TNR: variants seen among roughly 807,000 people sequenced by gnomAD.
TNR encodes the protein tenascin-R.
TNR carries 45 observed loss-of-function variants against 150.4 expected under a neutral mutation model. The ratio of observed to expected loss-of-function variants is 0.30; its 90% CI spans 0.24 to 0.38. The LOEUF (loss-of-function observed/expected upper bound fraction) is 0.38, where lower values mean the gene tolerates loss of function less well. TNR is among the 10% of genes least tolerant of loss of function. TNR has a pLI of 1.00. For synonymous variants in TNR, 687 were observed against 678.4 expected, an observed-to-expected ratio of 1.01 and a Z score of -0.20; for missense variants, 1,544 against 1,759.1, an observed-to-expected ratio of 0.88 and a Z score of 2.19.
chr1:175,391,921 T>A (rs751693718), intron 6 of TNR, among the ~76,000 whole-genome samples: 2 of 152,232 alleles, frequency 1.3e-5, no homozygotes, highest in Non-Finnish European at 2.9e-5. Flanking sequence ...TGCTATGAGA[T>A]AATTGTTTAT....
intron 1 of TNR, among the ~76,000 whole-genome samples, chr1:175,690,653 G>A (rs1666333784): frequency 6.6e-6 from 1 of 152,208 alleles, no homozygotes; most frequent in Non-Finnish European, 1.5e-5. Context: ...TAAGTGCCAG[G>A]GGGAGCCATT....
At chr1:175,464,919 G>T (rs1656966253) in intron 2 of TNR, among the ~76,000 whole-genome samples, 1 of 152,282 alleles carries the variant, frequency 6.6e-6, no homozygotes, top group African/African-American at 2.4e-5. Context: ...TGCCTGTCTT[G>T]GAGGGGAGAG....
intron 1 of TNR, among the ~76,000 whole-genome samples, chr1:175,691,598 C>CAGGTACTGACTGAGTTCTCGGT (rs1666370765): frequency 6.6e-6 from 1 of 152,024 alleles, no homozygotes; most frequent in Admixed American, 6.5e-5. Flanking sequence ...GAGCCTTAAA[C>CAGGTACTGACTGAGTTCTCGGT]AGGTACTGAC....
At chr1:175,335,955 A>G (rs1015951425) in intron 19 of TNR, 148 bp from the exon 20 acceptor site, 28 of 706,368 alleles carry the variant, frequency 4.0e-5, no homozygotes, top group Non-Finnish European at 6.5e-5. Context: ...GGAACATTTC[A>G]GAGCAGAGCT....
intron 20 of TNR, chr1:175,335,171 G>C (rs952753621): frequency 6.6e-6 from 1 of 152,416 alleles, no homozygotes; most frequent in Non-Finnish European, 1.5e-5. Flanking sequence ...GCTTGGATGT[G>C]TGTTTACCAT....
chr1:175,362,603 C>A (rs545306744), intron 14 of TNR, 60 bp downstream of exon 14: 59 of 1,582,592 alleles, frequency 3.7e-5, no homozygotes, highest in Non-Finnish European at 4.9e-5. Flanking sequence ...CAAGCCCGAA[C>A]AACTTCACCC....
intron 1 of TNR, among the ~76,000 whole-genome samples, chr1:175,552,601 G>A (rs553244133): frequency 6.6e-6 from 1 of 152,292 alleles, no homozygotes; most frequent in East Asian, 1.9e-4. Flanking sequence ...TTCATGGGCT[G>A]ACTGAAGCCA....
chr1:175,679,608 G>A (rs141791024), intron 1 of TNR, among the ~76,000 whole-genome samples: 89 of 152,316 alleles, frequency 5.8e-4, no homozygotes, highest in Admixed American at 2.0e-3. Context: ...CTGAGGAAAG[G>A]AGGGATTGGA....
At chr1:175,509,835 C>T (rs919564779) in intron 2 of TNR, among the ~76,000 whole-genome samples, 1 of 152,112 alleles carries the variant, frequency 6.6e-6, no homozygotes, top group African/African-American at 2.4e-5. Context: ...TTTAAACTTC[C>T]TTCTTTTTCC....
At chr1:175,419,931 C>T (rs1654677394) in intron 2 of TNR, among the ~76,000 whole-genome samples, 1 of 152,174 alleles carries the variant, frequency 6.6e-6, no homozygotes, top group Non-Finnish European at 1.5e-5. Flanking sequence ...TCACTCTTTC[C>T]CAGCAGGCTA....
At chr1:175,355,108 G>C (rs910180181) in intron 17 of TNR, among the ~76,000 whole-genome samples, 11 of 152,182 alleles carry the variant, frequency 7.2e-5, no homozygotes, top group Non-Finnish European at 1.6e-4. Context: ...GCTCAGCCCT[G>C]TTGTTGAAAA....
At chr1:175,594,857 T>TAAA (rs1174868287) in intron 1 of TNR, among the ~76,000 whole-genome samples, 14,258 of 102,690 alleles carry the variant, frequency 0.14, 910 homozygotes, top group Middle Eastern at 0.25. Context: ...ACCTTGTTTC[T>TAAA]AAAAAAAAAA....
intron 2 of TNR, among the ~76,000 whole-genome samples, chr1:175,447,529 T>C (rs754127642): frequency 1.2e-4 from 18 of 152,186 alleles, no homozygotes; most frequent in Non-Finnish European, 2.6e-4. Context: ...TTTTGGAACT[T>C]AGGAAACATT....
chr1:175,586,705 T>A (rs953976286), intron 1 of TNR, among the ~76,000 whole-genome samples: 10 of 152,194 alleles, frequency 6.6e-5, no homozygotes. Flanking sequence ...AAAGTGGCCA[T>A]CTTCATTAGA....
At chr1:175,626,623 C>T (rs916241823) in intron 1 of TNR, among the ~76,000 whole-genome samples, 19 of 152,096 alleles carry the variant, frequency 1.2e-4, no homozygotes, top group African/African-American at 3.4e-4. Context: ...TGAAATAAAC[C>T]GTATATGTTT....
Position 175,365,995 on chromosome 1 carries a change from G to C in TNR, c.2197C>G (p.Pro733Ala). 5 of 1,614,158 alleles carry C rather than the reference G, an allele frequency of 3.1e-6. No homozygotes were observed. In the East Asian group the frequency reaches 1.1e-4, roughly 36 times the overall value. The change falls in exon 11 of 23, where the codon CCC (proline) becomes GCC (alanine). Residue 733 changes from proline (P) to alanine (A), a missense_variant. By Grantham distance (27) the Pro-to-Ala change is conservative. Around this residue, in one of 2 missense-constraint regions of TNR, gnomAD observed 1,254 missense variants for 1,329.4 expected, o/e 0.94. Transcript: ENST00000367674. Reference sequence around the variant, plus strand: ...AGTGTGTATGAGGTCCTGTCCTTGGGTACGGTGACTTCTGAGGCAATCCCA... The same window carrying C: ...AGTGTGTATGAGGTCCTGTCCTTGGCTACGGTGACTTCTGAGGCAATCCCA... The part of the protein sequence containing the change: ...SSGIASEVTV[P>A]KDRTSYTLTD...
At chr1:175,729,145 TGAC>T (rs1287825536) in intron 1 of TNR, among the ~76,000 whole-genome samples, 1 of 152,202 alleles carries the variant, frequency 6.6e-6, no homozygotes, top group Non-Finnish European at 1.5e-5. Flanking sequence ...GGTTGTTCCT[TGAC>T]GAGTTTTTTC....
intron 1 of TNR, among the ~76,000 whole-genome samples, chr1:175,660,963 G>A (rs1283800594): frequency 1.3e-5 from 2 of 152,184 alleles, no homozygotes; most frequent in South Asian, 2.1e-4. Context: ...TTAATGTCTG[G>A]CACCCACTGC....
At chr1:175,509,111 A>C (rs1042671263) in intron 2 of TNR, among the ~76,000 whole-genome samples, 1 of 152,210 alleles carries the variant, frequency 6.6e-6, no homozygotes. Context: ...CCTGTTTCCT[A>C]GCAGGAAACC....
Sources: gnomAD v4.1 joint callset for allele counts (sites outside exome capture counted in the v4.1 genomes callset) on GRCh38, gnomAD v4.1.1 for gene constraint, gnomAD v4.1.1 regional missense constraint, MANE v1.5 for transcripts, NCBI Gene and HGNC (gene_info 2026-07-23, HGNC 2026-07-21) for gene names.